Variants in NAV1 observed in about 807,000 individuals in gnomAD.
NAV1 encodes neuron navigator 1, also known as pore membrane and/or filament interacting like protein 3.
In NAV1, 18 loss-of-function variants were observed where a neutral mutation model predicts 175.2. That is an observed-to-expected ratio of 0.10 (90% confidence interval 0.07 to 0.15). The LOEUF is 0.15. NAV1 is among the 10% of genes least tolerant of loss of function. NAV1 has a pLI of 1.00. For synonymous variants in NAV1, 897 were observed against 978.7 expected, an observed-to-expected ratio of 0.92 and a Z score of 1.56; for missense variants, 1,731 against 2,436.6, an observed-to-expected ratio of 0.71 and a Z score of 6.10.
chr1:201,782,890 C>A lies in NAV1; in HGVS notation c.2357+21C>A. ...CTCAGGTACCCAATGTGGGCAGCCG[C>A]CTCCTTGTCTGTTTGCTTTGTCATT... is the stretch of plus-strand genomic sequence containing the variant. On this transcript the variant is annotated intron_variant, in intron 6 of 29. Transcript: ENST00000367296. The surrounding 1 kb of genome is among the most constrained non-coding windows in gnomAD (Gnocchi z 5.4). 2 of 1,537,096 alleles carry A rather than the reference C, an allele frequency of 1.3e-6. No individual in the cohort carries two copies. The highest frequency in any genetic ancestry group is 1.8e-6 in the Non-Finnish European group (2 of 1,141,792).
At chr1:201,684,612 T>A (rs1280488053) in intron 1 of NAV1, among the ~76,000 whole-genome samples, 2 of 151,254 alleles carry the variant, frequency 1.3e-5, no homozygotes, top group Non-Finnish European at 2.9e-5. Flanking sequence ...GTAGCTGGGA[T>A]TACAGGCATC....
At position 201,807,814 on chromosome 1, in the gene NAV1, T is replaced by C; in HGVS notation, c.3649-139T>C. The C allele has an allele frequency of 1.3e-6, 1 of 774,490 alleles. No homozygotes were observed. Among genetic ancestry groups the C allele is most frequent in the South Asian group, 1.7e-5 (1 of 57,290 alleles). 48.0% of individuals were successfully genotyped at this position (774,490 alleles called of 1,614,324 possible). On this transcript the variant is annotated intron_variant, in intron 17 of 29. Transcript: ENST00000367296. The surrounding 1 kb of genome is among the most constrained non-coding windows in gnomAD (Gnocchi z 5.4). Reference sequence around the variant, plus strand: ...TTCTGTCCGTATTCTATGAATCAAGTGAAGTGTTATAGAGGGTGGCTTAAT... The same window carrying C: ...TTCTGTCCGTATTCTATGAATCAAGCGAAGTGTTATAGAGGGTGGCTTAAT...
rs139041456 is a variant in NAV1 at position 201,739,064 on chromosome 1, G to A, written c.1226+20309G>A. Among the ~76,000 whole-genome samples the A allele has an allele frequency of 5.3e-3, 804 of 152,264 alleles. 7 individuals are homozygous for A. Among genetic ancestry groups the A allele is most frequent in the African/African-American group, 0.019 (783 of 41,542 alleles). On this transcript the variant is annotated intron_variant, in intron 3 of 29. Coordinates refer to ENST00000367296, the Ensembl canonical transcript of NAV1. ...GAAGTTACCAGGAGGACCCTCAGGGGGGAGGAACCCAATGGGAGGACCCTG... is the reference window on the plus strand; with the variant it reads ...GAAGTTACCAGGAGGACCCTCAGGGAGGAGGAACCCAATGGGAGGACCCTG...
chr1:201,628,398 C>T (rs1194353040), intron 1 of NAV1, among the ~76,000 whole-genome samples: 1 of 152,172 alleles, frequency 6.6e-6, no homozygotes, highest in Non-Finnish European at 1.5e-5. Flanking sequence ...GGCATCTTTT[C>T]ACCCCATGAT....
chr1:201,753,005 G>C (rs760973247), intron 3 of NAV1, among the ~76,000 whole-genome samples: 4 of 151,374 alleles, frequency 2.6e-5, no homozygotes, highest in African/African-American at 9.8e-5. Flanking sequence ...GGTAGTTTTG[G>C]GGGGAACGAG....
At chr1:201,571,961 C>G (rs1327853796) in intron 1 of NAV1, among the ~76,000 whole-genome samples, 1 of 152,206 alleles carries the variant, frequency 6.6e-6, no homozygotes. Flanking sequence ...ACCTAATGTG[C>G]CTAATGCACC....
chr1:201,557,077 T>C (rs1271128679), intron 1 of NAV1, among the ~76,000 whole-genome samples: 1 of 151,168 alleles, frequency 6.6e-6, no homozygotes, highest in Non-Finnish European at 1.5e-5. Flanking sequence ...CTACTGTTTC[T>C]CTTAGGAAGC....
rs1672247734 is a variant in NAV1, at chr1:201,718,836, A to C, written c.1226+81A>C. 5 of 1,523,102 alleles carry C rather than the reference A, an allele frequency of 3.3e-6. No individual in the cohort carries two copies. In the East Asian group the frequency reaches 1.1e-4, roughly 35 times the overall value. The allele number at this position is 1,523,102 out of a possible 1,614,324, so 94.3% of individuals were successfully genotyped here. On this transcript the variant is annotated intron_variant, in intron 3 of 29. Transcript: ENST00000367296. The surrounding 1 kb of genome is among the most constrained non-coding windows in gnomAD (Gnocchi z 4.8). ...TGCGACGCCTTAAAAGTGGAGTGGA[A>C]CCCAAAACGGGTTTTGGTTTGCTGT...
intron 3 of NAV1, among the ~76,000 whole-genome samples, chr1:201,726,103 G>T (rs998792973): frequency 5.3e-5 from 8 of 152,366 alleles, no homozygotes; most frequent in African/African-American, 1.9e-4. Context: ...GCTGACTCCA[G>T]ATTCATACAC....
At chr1:201,642,544 T>C (rs1386122757) in intron 2 of NAV1, among the ~76,000 whole-genome samples, 4 of 114,296 alleles carry the variant, frequency 3.5e-5, no homozygotes, top group South Asian at 2.3e-4. Context: ...TTTCTTTCTT[T>C]CTTTCTTTCT....
At chr1:201,734,601 A>G (rs751324909) in intron 3 of NAV1, among the ~76,000 whole-genome samples, 12 of 152,030 alleles carry the variant, frequency 7.9e-5, no homozygotes, top group Non-Finnish European at 1.3e-4. Context: ...TTGGGATCCA[A>G]ATTAGCAACG....
chr1:201,624,336 CTTTTTTTT>C (rs1188885818), intron 1 of NAV1, among the ~76,000 whole-genome samples: 2 of 79,442 alleles, frequency 2.5e-5, no homozygotes, highest in African/African-American at 5.4e-5. Context: ...GTCAACTACG[CTTTTTTTT>C]TTTTTTTTTT....
intron 11 of NAV1, 31 bp downstream of exon 15, chr1:201,789,823 TC>T (rs1474548514): frequency 1.3e-6 from 2 of 1,597,412 alleles, no homozygotes; most frequent in African/African-American, 2.7e-5. Flanking sequence ...TCCCCTCTCA[TC>T]CCCTCCCCTC....
rs1553247051 is a variant in NAV1 at position 201,642,525 on chromosome 1, T to TTCTTTCTTTCTTTCTTTC, written c.5-6108_5-6107insCTTTCTTTCTTTCTTTCT. ...CCGCACCCGGCCTCTTTCTTTCTTTTTTTCTTTCTTTCTTTCTTTCTTTCT... is the reference window on the plus strand; with the variant it reads ...CCGCACCCGGCCTCTTTCTTTCTTTTTCTTTCTTTCTTTCTTTCTTTCTTTCTTTCTTTCTTTCTTTCT... On this transcript the variant is annotated intron_variant, in intron 2 of 29. Coordinates refer to the NAV1 transcript ENST00000367302. Among the ~76,000 whole-genome samples the TTCTTTCTTTCTTTCTTTC allele has an allele frequency of 2.9e-3, 287 of 100,400 alleles. 15 individuals carry two copies. Among genetic ancestry groups the TTCTTTCTTTCTTTCTTTC allele is most frequent in the African/African-American group, 0.012 (274 of 23,208 alleles). The allele number at this position is 100,400 out of a possible 152,430, so 65.9% of individuals were successfully genotyped here.
chr1:201,820,116 A>G, exon 30 of NAV1: 1 of 586,008 alleles, frequency 1.7e-6, no homozygotes, highest in Non-Finnish European at 3.0e-6. Flanking sequence ...CTTCCTAGGA[A>G]GGAATGGTGG....
At chr1:201,744,927 C>T (rs1673676381) in intron 3 of NAV1, among the ~76,000 whole-genome samples, 1 of 152,232 alleles carries the variant, frequency 6.6e-6, no homozygotes, top group Non-Finnish European at 1.5e-5. Flanking sequence ...GGAATCCTAT[C>T]TGGAGGTCTT....
At chr1:201,778,320 T>C (rs2102698132) in intron 3 of NAV1, among the ~76,000 whole-genome samples, 1 of 152,342 alleles carries the variant, frequency 6.6e-6, no homozygotes. Flanking sequence ...CATAAGAGCT[T>C]TCTTTGCCTC....
intron 1 of NAV1, among the ~76,000 whole-genome samples, chr1:201,552,141 G>A (rs115420414): frequency 6.6e-6 from 1 of 152,212 alleles, no homozygotes; most frequent in African/African-American, 2.4e-5. Context: ...AAAGACAAAG[G>A]CCTCTGTGTT....
intron 1 of NAV1, among the ~76,000 whole-genome samples, chr1:201,581,466 T>G (rs933917630): frequency 6.6e-6 from 1 of 152,184 alleles, no homozygotes; most frequent in Non-Finnish European, 1.5e-5. Context: ...GGTGGACAAG[T>G]GTCTCAGTGG....
Sources: allele counts gnomAD v4.1 joint callset (sites outside exome capture counted in the v4.1 genomes callset), GRCh38; gene constraint gnomAD v4.1.1; non-coding constraint Gnocchi (gnomAD v3.1); transcripts MANE v1.5; gene names NCBI Gene and HGNC (gene_info 2026-07-23, HGNC 2026-07-21).